CAPN14: variants seen among roughly 807,000 people sequenced by gnomAD.
CAPN14 encodes the protein calpain-14.
CAPN14 carries 94 observed loss-of-function variants against 101.3 expected under a neutral mutation model. That is an observed-to-expected ratio of 0.93 (90% CI 0.79 to 1.10). CAPN14 has a LOEUF of 1.10. CAPN14 is among the 50% of genes least tolerant of loss of function. CAPN14 has a pLI of 0.00. For missense variants in CAPN14, 837 were observed against 828.4 expected (o/e 1.01, Z -0.13); for synonymous variants, 338 against 317.9 (o/e 1.06, Z -0.67).
intron 8 of CAPN14, 30 bp from the exon 9 acceptor site, chr2:31,194,513 G>A: frequency 6.8e-7 from 1 of 1,469,946 alleles, no homozygotes; most frequent in Non-Finnish European, 9.3e-7. Context: ...TGAAAAGCTT[G>A]TGGGGAGCAT....
chr2:31,207,856 TG>T lies in CAPN14; in HGVS notation c.-52-2358del, dbSNP rs1303695227. On this transcript the variant is annotated intron_variant, in intron 1 of 21. Coordinates refer to ENST00000403897, the MANE Select transcript of CAPN14 (RefSeq NM_001145122.2). ...GTTTCTAAACACTTGCTCTCAGTTT[TG>T]TAGGTAGCTCATCAAGCACTGCCAG... Among the ~76,000 whole-genome samples the T allele has an allele frequency of 4.6e-5, 7 of 152,354 alleles. No individual in the cohort carries two copies. In the East Asian group the frequency reaches 1.2e-3, roughly 25 times the overall value.
In CAPN14 at chr2:31,199,436, T is replaced by C. The variant is rs1681639887; in HGVS notation, c.789+34A>G. 2.0e-6 allele frequency: 3 copies of C among 1,535,670 alleles called. No individual in the cohort carries two copies. The Admixed American group carries it at 5.9e-5, about 30-fold the overall frequency. Reference sequence around the variant, plus strand: ...GGGTCCAGAGAGGGAAGGGCAAGGCTGAGAGGGAAACCGAAGGGCCAACCT... The same window carrying C: ...GGGTCCAGAGAGGGAAGGGCAAGGCCGAGAGGGAAACCGAAGGGCCAACCT... On this transcript the variant is annotated intron_variant, in intron 7 of 21. Coordinates refer to ENST00000403897, the MANE Select transcript of CAPN14 (RefSeq NM_001145122.2).
At chr2:31,182,398 CCT>C (rs1680692959) in intron 16 of CAPN14, among the ~76,000 whole-genome samples, 1 of 146,006 alleles carries the variant, frequency 6.8e-6, no homozygotes, top group African/African-American at 2.7e-5. Flanking sequence ...TCAAATTGTC[CCT>C]GTTTGCAGAT....
At chr2:31,214,669 C>T (rs1051005395) in intron 1 of CAPN14, among the ~76,000 whole-genome samples, 6 of 152,256 alleles carry the variant, frequency 3.9e-5, no homozygotes, top group Admixed American at 3.3e-4. Context: ...CCCCCAGCTG[C>T]CCCACTTCCA....
chr2:31,211,677 A>ACACACC, intron 1 of CAPN14, among the ~76,000 whole-genome samples: 1 of 150,954 alleles, frequency 6.6e-6, no homozygotes, highest in Non-Finnish European at 1.5e-5. Flanking sequence ...ATGTGCACAC[A>ACACACC]CACACACACA....
At chr2:31,228,113 G>A (rs558385625) in intron 1 of CAPN14, among the ~76,000 whole-genome samples, 16 of 152,336 alleles carry the variant, frequency 1.1e-4, no homozygotes, top group African/African-American at 3.8e-4. Context: ...TTGTAGGCAG[G>A]TCACCAGGAT....
At position 31,205,256 on chromosome 2, in the gene CAPN14, C is replaced by A. The variant is rs1400575501; in HGVS notation, c.192G>T (p.Lys64Asn). 1.3e-6 allele frequency: 2 copies of A among 1,549,710 alleles called. No homozygotes were observed. The highest frequency in any genetic ancestry group is 2.7e-5 in the African/African-American group (2 of 72,976). The part of the protein sequence containing the change: ...SSIGSGSLLQ[K>N]LPPRLQWKRP... ...TCTTCCACTGCAGGCGGGGTGGCAG[C>A]TTCTGCAGCAGGGAGCCACTGCCGA... is the stretch of plus-strand genomic sequence containing the variant. Residue 64 changes from lysine to asparagine, a missense_variant, in exon 2 of 22, where the codon AAG (lysine) becomes AAT (asparagine). Lys to Asn is a moderately conservative substitution (Grantham distance 94). Coordinates refer to ENST00000403897, the MANE Select transcript of CAPN14 (RefSeq NM_001145122.2).
intron 9 of CAPN14, among the ~76,000 whole-genome samples, chr2:31,193,654 A>G (rs1681325583): frequency 6.6e-6 from 1 of 152,248 alleles, no homozygotes; most frequent in Non-Finnish European, 1.5e-5. Context: ...TAAGAATTAC[A>G]TATCAGTTCT....
intron 20 of CAPN14, 91 bp from the exon 21 acceptor site, chr2:31,176,733 T>C: frequency 3.3e-6 from 4 of 1,224,506 alleles, no homozygotes; most frequent in Non-Finnish European, 4.7e-6. Context: ...CTTAACCACA[T>C]CCATTCTGAA....
At chr2:31,180,850 G>T in intron 17 of CAPN14, 86 bp downstream of exon 17, 1 of 1,131,488 alleles carries the variant, frequency 8.8e-7, no homozygotes, top group Non-Finnish European at 1.3e-6. Flanking sequence ...CAAGGATTGG[G>T]GTTGGGATTC....
intron 17 of CAPN14, among the ~76,000 whole-genome samples, chr2:31,179,682 A>G (rs551315898): frequency 1.3e-5 from 2 of 152,250 alleles, no homozygotes; most frequent in Non-Finnish European, 2.9e-5. Flanking sequence ...TCCCACCAAC[A>G]GTGTAAAATT....
chr2:31,174,552 GAGA>G lies in CAPN14; in HGVS notation c.*126_*128del. On this transcript the variant is annotated 3_prime_UTR_variant, in exon 22 of 22. Transcript: ENST00000403897. ...CTGCAGAAGAGAAACCTTCCCAGCT[GAGA>G]AGGTGACGGCTAGTGAGGCTGTCCT... 1 of 934,914 alleles carries G rather than the reference GAGA, an allele frequency of 1.1e-6. No individual in the cohort carries two copies. The highest frequency in any genetic ancestry group is 1.7e-6 in the Non-Finnish European group (1 of 603,712). 57.9% of individuals were successfully genotyped at this position (934,914 alleles called of 1,614,324 possible). A position where few individuals can be genotyped will look rare whatever the true frequency, so the allele number is the denominator to read the frequency against.
intron 17 of CAPN14, among the ~76,000 whole-genome samples, chr2:31,179,399 C>T (rs903778762): frequency 2.6e-5 from 4 of 152,090 alleles, no homozygotes; most frequent in African/African-American, 4.8e-5. Flanking sequence ...AGGACATGAA[C>T]TCATCTTTTT....
rs1217391916 is a variant in CAPN14 at position 31,214,012 on chromosome 2, A to C, written c.-53+3444T>G. Among the ~76,000 whole-genome samples the C allele has an allele frequency of 9.2e-5, 14 of 152,358 alleles. No individual in the cohort carries two copies. The East Asian group carries it at 2.5e-3, about 27-fold the overall frequency. ...AAACCCCAAGCATGATTCTTCATTTATTAGAGCAGACATTTGCCTTTCAGT... is the reference window on the plus strand; with the variant it reads ...AAACCCCAAGCATGATTCTTCATTTCTTAGAGCAGACATTTGCCTTTCAGT... On this transcript the variant is annotated intron_variant, in intron 1 of 21. Coordinates refer to ENST00000403897, the MANE Select transcript of CAPN14 (RefSeq NM_001145122.2).
intron 13 of CAPN14, 57 bp downstream of exon 13, chr2:31,189,216 C>A: frequency 6.7e-7 from 1 of 1,487,890 alleles, no homozygotes; most frequent in Non-Finnish European, 9.2e-7. Context: ...CCTTGCCCTC[C>A]TTGCCTGTCC....
intron 1 of CAPN14, among the ~76,000 whole-genome samples, chr2:31,228,871 C>A (rs116086581): frequency 0.025 from 3,808 of 152,252 alleles, 61 homozygotes; most frequent in Non-Finnish European, 0.038. Flanking sequence ...CACCAGGACT[C>A]CATCTACTGC....
At chr2:31,189,213 C>T in intron 13 of CAPN14, 60 bp downstream of exon 13, 1 of 1,470,908 alleles carries the variant, frequency 6.8e-7, no homozygotes. Flanking sequence ...CAACCTTGCC[C>T]TCCTTGCCTG....
At chr2:31,185,203 C>A (rs1266198303) in intron 16 of CAPN14, among the ~76,000 whole-genome samples, 1 of 152,182 alleles carries the variant, frequency 6.6e-6, no homozygotes, top group Non-Finnish European at 1.5e-5. Flanking sequence ...GGACCAAGGG[C>A]AGACAGAATC....
chr2:31,181,115 T>C (rs1680572915), intron 16 of CAPN14, 115 bp from the exon 17 acceptor site: 3 of 770,020 alleles, frequency 3.9e-6, no homozygotes, highest in Non-Finnish European at 6.6e-6. Context: ...TGTATGTACG[T>C]GGGCTGGGAA....
Sources: allele counts gnomAD v4.1 joint callset (sites outside exome capture counted in the v4.1 genomes callset), GRCh38; gene constraint gnomAD v4.1.1; transcripts MANE v1.5; gene names NCBI Gene and HGNC (gene_info 2026-07-23, HGNC 2026-07-21).